Variants in CNTNAP4 observed in about 807,000 individuals in gnomAD.
CNTNAP4 encodes contactin associated protein family member 4.
A neutral mutation model predicts 148.4 loss-of-function variants in CNTNAP4; 98 were observed. That is an observed-to-expected ratio of 0.66 (90% CI 0.56 to 0.78). The LOEUF (loss-of-function observed/expected upper bound fraction) is 0.78, where lower values mean the gene tolerates loss of function less well. Ranked by LOEUF, CNTNAP4 falls within the 30% of genes least tolerant of loss-of-function variation. CNTNAP4 has a pLI of 0.00. For synonymous variants in CNTNAP4, 730 were observed against 565.1 expected, an observed-to-expected ratio of 1.29 and a Z score of -4.14; for missense variants, 1,935 against 1,565.6, an observed-to-expected ratio of 1.24 and a Z score of -3.98.
chr16:76,426,526 T>TGAA (rs2079410566), intron 3 of CNTNAP4, among the ~76,000 whole-genome samples: 1 of 152,196 alleles, frequency 6.6e-6, no homozygotes, highest in African/African-American at 2.4e-5. Flanking sequence ...TTCTGCTTCA[T>TGAA]GCTGACTTCT....
At chr16:76,403,259 AT>A (rs2078483562) in intron 3 of CNTNAP4, among the ~76,000 whole-genome samples, 1 of 151,702 alleles carries the variant, frequency 6.6e-6, no homozygotes, top group African/African-American at 2.4e-5. Context: ...CACCTGGCAA[AT>A]TTTTTTGTAT....
At chr16:76,373,310 AAATATGTGGAGTATAT>A (rs2015060648) in intron 3 of CNTNAP4, among the ~76,000 whole-genome samples, 4 of 152,166 alleles carry the variant, frequency 2.6e-5, no homozygotes, top group African/African-American at 9.6e-5. Flanking sequence ...TATTCCACAT[AAATATGTGGAGTATAT>A]TTCACAAAAA....
At chr16:76,398,938 G>C (rs375594264) in intron 3 of CNTNAP4, among the ~76,000 whole-genome samples, 3 of 152,174 alleles carry the variant, frequency 2.0e-5, no homozygotes, top group Admixed American at 1.3e-4. Context: ...CTGTGTCAAG[G>C]GGGGGTCCAG....
At chr16:76,453,848 G>A (rs1037936034) in intron 8 of CNTNAP4, among the ~76,000 whole-genome samples, 1 of 152,072 alleles carries the variant, frequency 6.6e-6, no homozygotes, top group Non-Finnish European at 1.5e-5. Flanking sequence ...ATACTATGCT[G>A]TGACTTTTTA....
chr16:76,328,468 A>G (rs557839126), intron 2 of CNTNAP4, among the ~76,000 whole-genome samples: 3 of 152,354 alleles, frequency 2.0e-5, no homozygotes, highest in Admixed American at 1.3e-4. Context: ...AACATGATTC[A>G]CATGACTAAA....
At chr16:76,432,475 G>T (rs1489221229) in intron 4 of CNTNAP4, 1 of 152,076 alleles carries the variant, frequency 6.6e-6, no homozygotes, top group Non-Finnish European at 1.5e-5. Context: ...CCAATATCTT[G>T]GCCATAGCAG....
intron 22 of CNTNAP4, 38 bp from the exon 23 acceptor site, chr16:76,553,798 C>A: frequency 7.4e-7 from 1 of 1,346,432 alleles, no homozygotes; most frequent in Non-Finnish European, 1.1e-6. Context: ...TTTTACTTGC[C>A]TATATCACCT....
chr16:76,418,027 A>C (rs572062041), intron 3 of CNTNAP4, among the ~76,000 whole-genome samples: 1 of 151,548 alleles, frequency 6.6e-6, no homozygotes, highest in African/African-American at 2.4e-5. Context: ...CTTCTTCCAA[A>C]ATTTTGTTTT....
At chr16:76,495,266 G>A in intron 14 of CNTNAP4, 200 bp downstream of exon 14, 4 of 421,180 alleles carry the variant, frequency 9.5e-6, no homozygotes, top group Admixed American at 7.9e-5. Flanking sequence ...TTCTGTAATG[G>A]ACCATAAGTC....
At chr16:76,369,137 C>G (rs2014504633) in intron 3 of CNTNAP4, among the ~76,000 whole-genome samples, 1 of 151,258 alleles carries the variant, frequency 6.6e-6, no homozygotes, top group Admixed American at 6.6e-5. Context: ...CAACCTCATT[C>G]AAAATAGAAA....
In CNTNAP4 at chr16:76,448,888, G is replaced by A; in HGVS notation, c.864G>A (p.Val288=). The A allele has an allele frequency of 1.9e-6, 3 of 1,613,678 alleles. No individual in the cohort carries two copies. Among genetic ancestry groups the A allele is most frequent in the Non-Finnish European group, 2.5e-6 (3 of 1,179,800 alleles). ...QRLGKQVNFT[V]DEHRHHFHAR... is the part of the protein sequence containing the mutation. ...TGGGCAAACAAGTCAACTTCACAGT[G>A]GACGAACACAGGCATCATTTCCATG... Residue 288 remains valine, a synonymous_variant, in exon 6 of 24, where the codon GTG becomes GTA. Coordinates refer to ENST00000611870, the MANE Select transcript of CNTNAP4 (RefSeq NM_033401.5).
intron 15 of CNTNAP4, among the ~76,000 whole-genome samples, chr16:76,519,752 A>T: frequency 6.6e-6 from 1 of 152,340 alleles, no homozygotes; most frequent in Admixed American, 6.5e-5. Flanking sequence ...ATATGGTTTC[A>T]TTTGACTCTG....
chr16:76,306,986 T>C (rs1960543390), intron 1 of CNTNAP4, among the ~76,000 whole-genome samples: 2 of 152,144 alleles, frequency 1.3e-5, no homozygotes, highest in South Asian at 4.1e-4. Context: ...CCAGACCCCA[T>C]GTTTTCACAA....
intron 3 of CNTNAP4, among the ~76,000 whole-genome samples, chr16:76,367,722 T>G (rs2014321471): frequency 6.6e-6 from 1 of 152,198 alleles, no homozygotes; most frequent in South Asian, 2.1e-4. Context: ...ACTGGCTTGG[T>G]GGGTGTTATT....
At chr16:76,388,711 A>G (rs769881081) in intron 3 of CNTNAP4, among the ~76,000 whole-genome samples, 15 of 152,314 alleles carry the variant, frequency 9.8e-5, no homozygotes, top group Non-Finnish European at 1.8e-4. Context: ...TGTTCTAGAC[A>G]TTTTAGATGC....
At chr16:76,279,382 C>T (rs1387205712) in intron 1 of CNTNAP4, among the ~76,000 whole-genome samples, 1 of 152,144 alleles carries the variant, frequency 6.6e-6, no homozygotes, top group African/African-American at 2.4e-5. Context: ...TGCTTGTTTT[C>T]TTGAAGCTCA....
intron 3 of CNTNAP4, among the ~76,000 whole-genome samples, chr16:76,367,749 T>G (rs2014324462): frequency 6.6e-6 from 1 of 152,162 alleles, no homozygotes; most frequent in South Asian, 2.1e-4. Flanking sequence ...CTTTTAAATA[T>G]CTGAATAACT....
At chr16:76,283,091 G>A (rs1376475833) in intron 1 of CNTNAP4, among the ~76,000 whole-genome samples, 1 of 151,838 alleles carries the variant, frequency 6.6e-6, no homozygotes, top group African/African-American at 2.4e-5. Flanking sequence ...GATGAGATTC[G>A]TGATCATCCA....
intron 15 of CNTNAP4, among the ~76,000 whole-genome samples, chr16:76,506,424 C>CTCCCT (rs551519097): frequency 1.5e-5 from 1 of 66,248 alleles, no homozygotes; most frequent in African/African-American, 4.9e-5. Context: ...CCCTTCCTTC[C>CTCCCT]TCCCTTCCCT....
Sources: allele counts gnomAD v4.1 joint callset (sites outside exome capture counted in the v4.1 genomes callset), GRCh38; gene constraint gnomAD v4.1.1; transcripts MANE v1.5; gene names NCBI Gene and HGNC (gene_info 2026-07-23, HGNC 2026-07-21).